GRIA2: variants seen among roughly 807,000 people sequenced by gnomAD.
GRIA2 encodes glutamate ionotropic receptor AMPA type subunit 2, also known as glutamate receptor 2.
GRIA2 carries 14 observed loss-of-function variants against 97.3 expected under a neutral mutation model. The observed-to-expected ratio is 0.14, with a 90% CI of 0.10 to 0.23. The LOEUF (loss-of-function observed/expected upper bound fraction) is 0.23. Ranked by LOEUF, GRIA2 falls within the 10% of genes least tolerant of loss-of-function variation. GRIA2 has a pLI of 1.00. For missense variants in GRIA2, 558 were observed against 1,069.8 expected, an observed-to-expected ratio of 0.52 and a Z score of 6.67; for synonymous variants, 412 against 387.8, an observed-to-expected ratio of 1.06 and a Z score of -0.73.
chr4:157,297,339 A>G (rs1244409924), intron 2 of GRIA2, among the ~76,000 whole-genome samples: 2 of 152,150 alleles, frequency 1.3e-5, no homozygotes, highest in African/African-American at 4.8e-5. Context: ...GGAATTGATG[A>G]ATTTTAGACT....
chr4:157,253,319 G>A (rs531568607), intron 2 of GRIA2, among the ~76,000 whole-genome samples: 32 of 151,952 alleles, frequency 2.1e-4, no homozygotes, highest in South Asian at 1.0e-3. Context: ...GTTTTGCCAC[G>A]TTGCCAAGGC....
chr4:157,335,603 T>A, intron 9 of GRIA2, 68 bp from the exon 10 acceptor site: 1 of 927,886 alleles, frequency 1.1e-6, no homozygotes, highest in East Asian at 2.5e-5. Flanking sequence ...ACCAGAAGAT[T>A]TGATTCAATG....
intron 2 of GRIA2, among the ~76,000 whole-genome samples, chr4:157,241,322 T>G (rs1357275185): frequency 1.3e-5 from 2 of 152,130 alleles, no homozygotes; most frequent in Admixed American, 6.6e-5. Context: ...TATTATTTGC[T>G]TTTTGGCAGC....
chr4:157,350,675 T>C (rs1735972285), intron 12 of GRIA2, among the ~76,000 whole-genome samples: 1 of 152,074 alleles, frequency 6.6e-6, no homozygotes, highest in Non-Finnish European at 1.5e-5. Context: ...TTATATATCC[T>C]CCCTGGCCTT....
chr4:157,278,380 T>A (rs7682101), intron 2 of GRIA2, among the ~76,000 whole-genome samples: 1 of 151,726 alleles, frequency 6.6e-6, no homozygotes, highest in African/African-American at 2.4e-5. Flanking sequence ...GCAAAGGTAG[T>A]CTTTTTAATA....
In GRIA2 at chr4:157,336,211, C is replaced by T. The variant is rs181777543; in HGVS notation, c.1474-166C>T. Among the ~76,000 whole-genome samples the T allele has an allele frequency of 3.0e-3, 459 of 152,038 alleles. 2 individuals are homozygous for T. Among genetic ancestry groups the T allele is most frequent in the African/African-American group, 0.011 (443 of 41,500 alleles). On this transcript the variant is annotated intron_variant, in intron 10 of 15. Transcript: ENST00000264426. ...TGTATTCATAAAGAGGAGGGGCATTCGGGGAATAATTCCTTTTTGTTTATC... is the reference window on the plus strand; with the variant it reads ...TGTATTCATAAAGAGGAGGGGCATTTGGGGAATAATTCCTTTTTGTTTATC...
rs1286091676 is a variant in GRIA2 at position 157,364,598 on chromosome 4, G to A, written c.*1167G>A. 6.6e-6 allele frequency: 1 copy of A among 152,058 alleles called. No individual in the cohort carries two copies. The highest frequency in any genetic ancestry group is 1.5e-5 in the Non-Finnish European group (1 of 67,780). The allele number at this position is 152,058 out of a possible 1,614,324, so 9.4% of individuals were successfully genotyped here. ...GTGAAGTTCCATTTTTAAAGTGTTT[G>A]AGCTTACAGAAGAGAAACATTCATT... is the stretch of plus-strand genomic sequence containing the variant. On this transcript the variant is annotated 3_prime_UTR_variant, in exon 16 of 16. Coordinates refer to ENST00000264426, the MANE Select transcript of GRIA2 (RefSeq NM_001083619.3).
At chr4:157,340,887 A>T (rs375832339) in intron 11 of GRIA2, among the ~76,000 whole-genome samples, 1 of 151,930 alleles carries the variant, frequency 6.6e-6, no homozygotes, top group African/African-American at 2.4e-5. Context: ...AAATGTTGTT[A>T]TGAGGTTTGC....
At chr4:157,331,792 G>T (rs923688296) in intron 6 of GRIA2, among the ~76,000 whole-genome samples, 1 of 151,796 alleles carries the variant, frequency 6.6e-6, no homozygotes, top group Non-Finnish European at 1.5e-5. Flanking sequence ...AGTATTTGGA[G>T]AAGACAAAGA....
rs181138100 is a variant in GRIA2 at position 157,287,962 on chromosome 4, G to T, written c.230-15590G>T. 5.3e-5 allele frequency among the ~76,000 whole-genome samples: 8 copies of T among 151,600 alleles called. No homozygotes were observed. In the Admixed American group the frequency reaches 5.3e-4, roughly 10 times the overall value. On this transcript the variant is annotated intron_variant, in intron 2 of 15. Coordinates refer to ENST00000264426, the MANE Select transcript of GRIA2 (RefSeq NM_001083619.3). ...CATATATATTACATTAAGGAAAAAAGGAGAGTTTTGGAGATATTGAGCCAG... is the reference window on the plus strand; with the variant it reads ...CATATATATTACATTAAGGAAAAAATGAGAGTTTTGGAGATATTGAGCCAG...
chr4:157,233,310 T>C (rs1040389861), intron 2 of GRIA2, among the ~76,000 whole-genome samples: 3 of 152,166 alleles, frequency 2.0e-5, no homozygotes, highest in Non-Finnish European at 4.4e-5. Context: ...CTTTATTGCA[T>C]GTCACTTACA....
At chr4:157,231,108 C>T (rs535654010) in intron 2 of GRIA2, among the ~76,000 whole-genome samples, 11 of 152,138 alleles carry the variant, frequency 7.2e-5, no homozygotes, top group South Asian at 2.1e-4. Context: ...GTTGCAGTCT[C>T]GGCCCACTGC....
intron 2 of GRIA2, among the ~76,000 whole-genome samples, chr4:157,239,515 T>C (rs1041971677): frequency 1.3e-5 from 2 of 151,976 alleles, no homozygotes; most frequent in African/African-American, 4.8e-5. Flanking sequence ...CTGTTGTTAA[T>C]TTTATATTGC....
chr4:157,315,690 A>C lies in GRIA2; in HGVS notation c.667-1968A>C, dbSNP rs527551667. 3.3e-5 allele frequency among the ~76,000 whole-genome samples: 5 copies of C among 152,062 alleles called. 1 individual carries two copies. Among genetic ancestry groups the C allele is most frequent in the African/African-American group, 9.6e-5 (4 of 41,528 alleles). ...CCTGAGTAGCTGGGATTACAGGCAC[A>C]CACCACGCCCAGCTAATTTTTGTAA... is the stretch of plus-strand genomic sequence containing the variant. On this transcript the variant is annotated intron_variant, in intron 4 of 15. Transcript: ENST00000264426.
chr4:157,221,217 TAG>T (rs1729478359), intron 1 of GRIA2, 87 bp downstream of exon 1: 1 of 775,006 alleles, frequency 1.3e-6, no homozygotes, highest in Non-Finnish European at 2.3e-6. Flanking sequence ...TCATGTCATG[TAG>T]ACTTATGTCA....
chr4:157,357,059 G>C (rs995509155), intron 12 of GRIA2, among the ~76,000 whole-genome samples: 2 of 152,138 alleles, frequency 1.3e-5, no homozygotes, highest in South Asian at 4.2e-4. Flanking sequence ...TTTTCTGCTG[G>C]TTACTTTTTT....
intron 11 of GRIA2, among the ~76,000 whole-genome samples, chr4:157,339,210 G>T (rs1735439713): frequency 6.6e-6 from 1 of 151,850 alleles, no homozygotes; most frequent in South Asian, 2.1e-4. Context: ...TGTCCCCAAT[G>T]ACCCTAAAGG....
chr4:157,355,388 C>T (rs1736206443), intron 12 of GRIA2, among the ~76,000 whole-genome samples: 2 of 151,210 alleles, frequency 1.3e-5, no homozygotes, highest in African/African-American at 4.9e-5. Context: ...ATTAGCCAGG[C>T]GTGGTGGCAC....
intron 12 of GRIA2, among the ~76,000 whole-genome samples, chr4:157,346,428 A>G (rs1735768752): frequency 6.6e-6 from 1 of 152,146 alleles, no homozygotes; most frequent in African/African-American, 2.4e-5. Context: ...TTTATCTGCC[A>G]CAATTGCCTC....
Sources: gnomAD v4.1 joint callset for allele counts (sites outside exome capture counted in the v4.1 genomes callset) on GRCh38, gnomAD v4.1.1 for gene constraint, MANE v1.5 for transcripts, NCBI Gene and HGNC (gene_info 2026-07-23, HGNC 2026-07-21) for gene names.